The following WDR33 variants were observed in gnomAD, a reference collection of about 807,000 sequenced individuals.
The protein encoded by WDR33 is pre-mRNA 3' end processing protein WDR33.
A neutral mutation model predicts 164.9 loss-of-function variants in WDR33; 47 were observed. That is an observed-to-expected ratio of 0.29 (90% CI 0.23 to 0.36). The LOEUF (loss-of-function observed/expected upper bound fraction) is 0.36, where lower values mean the gene tolerates loss of function less well. Among genes scored for constraint, WDR33 ranks in the 10% least tolerant of loss-of-function variants. The pLI, the probability that WDR33 is intolerant of heterozygous loss-of-function variation, is 1.00. For missense variants in WDR33, 1,137 were observed against 1,754.1 expected (o/e 0.65, Z 6.28); for synonymous variants, 505 against 589.0 (o/e 0.86, Z 2.06).
chr2:127,740,215 T>C (rs1432386579), intron 7 of WDR33, among the ~76,000 whole-genome samples: 1 of 152,244 alleles, frequency 6.6e-6, no homozygotes, highest in African/African-American at 2.4e-5. Context: ...TGGTTCCGTC[T>C]ACATTTTCTC....
chr2:127,746,141 A>G (rs1325787851), intron 7 of WDR33, among the ~76,000 whole-genome samples: 2 of 151,944 alleles, frequency 1.3e-5, no homozygotes, highest in African/African-American at 2.4e-5. Flanking sequence ...TGTGGTTCTG[A>G]GATGATAGTG....
At chr2:127,756,340 A>C (rs1687518752) in intron 7 of WDR33, among the ~76,000 whole-genome samples, 1 of 151,800 alleles carries the variant, frequency 6.6e-6, no homozygotes, top group Admixed American at 6.6e-5. Context: ...ACTCCAAAAA[A>C]AAAAAAAAAG....
chr2:127,760,577 C>T (rs1687646530), intron 7 of WDR33, among the ~76,000 whole-genome samples: 1 of 152,174 alleles, frequency 6.6e-6, no homozygotes, highest in East Asian at 1.9e-4. Context: ...GGATGGGAAG[C>T]TCTTAGATGC....
chr2:127,805,205 G>C (rs1018005261), intron 1 of WDR33, among the ~76,000 whole-genome samples: 1 of 149,592 alleles, frequency 6.7e-6, no homozygotes, highest in African/African-American at 2.5e-5. Flanking sequence ...AACCTCCCAA[G>C]TAGCTGGGAC....
intron 1 of WDR33, among the ~76,000 whole-genome samples, chr2:127,809,697 A>G (rs1035887235): frequency 1.3e-5 from 2 of 152,112 alleles, no homozygotes; most frequent in African/African-American, 2.4e-5. Context: ...TGGCGTCCCA[A>G]AGTGCTGGGA....
chr2:127,785,860 T>G (rs1688545941), intron 1 of WDR33, among the ~76,000 whole-genome samples: 1 of 152,186 alleles, frequency 6.6e-6, no homozygotes, highest in Non-Finnish European at 1.5e-5. Context: ...GATCACATGA[T>G]AAGGGTATGC....
chr2:127,786,219 G>C (rs1401704410), intron 1 of WDR33, among the ~76,000 whole-genome samples: 1 of 152,002 alleles, frequency 6.6e-6, no homozygotes, highest in East Asian at 1.9e-4. Context: ...TTTTTTTGTA[G>C]AGACAGGGTC....
chr2:127,762,438 C>A, intron 7 of WDR33: 1 of 875,172 alleles, frequency 1.1e-6, no homozygotes, highest in South Asian at 5.3e-5. Flanking sequence ...TTTATAAAGT[C>A]CAATATTCTA....
intron 1 of WDR33, among the ~76,000 whole-genome samples, chr2:127,807,392 GCAAA>G (rs1321663151): frequency 2.6e-5 from 4 of 152,182 alleles, no homozygotes; most frequent in Non-Finnish European, 5.9e-5. Flanking sequence ...TAAGTTGAGA[GCAAA>G]CAGAGTAGAG....
rs748630875 is a variant in WDR33, at chr2:127,719,898, A to G, written c.2127T>C (p.Gly709=). ...CTATGTGACCCTGTGGGCCAGGTGG[A>G]CCCTGAGGACCCATATGACCTTGAG... ...SGPQGHMGPQ[G]PPGPQGHIGP... is the part of the protein sequence containing the mutation. Residue 709 remains glycine (G), a synonymous_variant, in exon 16 of 22, where the codon GGT becomes GGC. Coordinates refer to ENST00000322313, the MANE Select transcript of WDR33 (RefSeq NM_018383.5). This position sits in a 1 kb window ranked among gnomAD's most constrained non-coding sequence, Gnocchi z 6.5. 2 of 1,613,284 alleles carry G rather than the reference A, an allele frequency of 1.2e-6. No homozygotes were observed.
chr2:127,790,422 A>T (rs1161211554), intron 1 of WDR33, among the ~76,000 whole-genome samples: 2 of 152,120 alleles, frequency 1.3e-5, no homozygotes, highest in African/African-American at 4.8e-5. Flanking sequence ...TAATATCTGT[A>T]TCTGGTTTTA....
rs911632244 is a variant in WDR33, at chr2:127,701,793, CTG to C, written c.*4528_*4529del. 9.6e-6 allele frequency: 14 copies of C among 1,451,270 alleles called. No individual in the cohort carries two copies. Among genetic ancestry groups the C allele is most frequent in the African/African-American group, 4.4e-5 (3 of 67,588 alleles). 89.9% of individuals were successfully genotyped at this position (1,451,270 alleles called of 1,614,324 possible). ...CGGCGGGTGCCTGCTGCTGGCTGCA[CTG>C]TGTTTCGGCCTAGCCGCGCTCTACG... On this transcript the variant is annotated 3_prime_UTR_variant, in exon 22 of 22. Coordinates refer to ENST00000322313, the MANE Select transcript of WDR33 (RefSeq NM_018383.5).
rs1316193370 is a variant in WDR33 at position 127,788,133 on chromosome 2, A to T, written c.-23-17129T>A. On this transcript the variant is annotated intron_variant, in intron 1 of 21. Coordinates refer to ENST00000322313, the MANE Select transcript of WDR33 (RefSeq NM_018383.5). ...CGGGCTGAGGGGCTCCTCACTTCCC[A>T]GTAGGGGCGGCCGGGCAGAGGCGCC... Among the ~76,000 whole-genome samples the T allele has an allele frequency of 2.6e-5, 2 of 77,822 alleles. 1 individual carries two copies. Among genetic ancestry groups the T allele is most frequent in the Non-Finnish European group, 4.8e-5 (2 of 41,448 alleles). 51.1% of individuals were successfully genotyped at this position (77,822 alleles called of 152,430 possible). A position where few individuals can be genotyped will look rare whatever the true frequency, so the allele number is the denominator to read the frequency against.
intron 1 of WDR33, among the ~76,000 whole-genome samples, chr2:127,785,697 T>C (rs1345233083): frequency 6.6e-6 from 1 of 152,200 alleles, no homozygotes; most frequent in Non-Finnish European, 1.5e-5. Context: ...TCTATGGATG[T>C]ACCAAACTTT....
chr2:127,730,353 T>C (rs1035150009), intron 7 of WDR33, among the ~76,000 whole-genome samples: 1 of 152,082 alleles, frequency 6.6e-6, no homozygotes, highest in African/African-American at 2.4e-5. Flanking sequence ...TTCAGTAAAG[T>C]GAAAAAAATT....
intron 1 of WDR33, among the ~76,000 whole-genome samples, chr2:127,782,507 A>G (rs1688410560): frequency 6.6e-6 from 1 of 152,102 alleles, no homozygotes; most frequent in African/African-American, 2.4e-5. Context: ...TTAGTTGCAT[A>G]ATTTTTCATA....
chr2:127,726,561 A>G lies in WDR33; in HGVS notation c.851+90T>C, dbSNP rs1415591557. 2.6e-6 allele frequency: 4 copies of G among 1,519,050 alleles called. No homozygotes were observed. The highest frequency in any genetic ancestry group is 3.5e-6 in the Non-Finnish European group (4 of 1,130,644). The allele number at this position is 1,519,050 out of a possible 1,614,324, so 94.1% of individuals were successfully genotyped here. ...TGTTGCCTAAATGACTCTTCCAGAA[A>G]TACATAAGAGAAAACAAAGCTAAAA... is the stretch of plus-strand genomic sequence containing the variant. On this transcript the variant is annotated intron_variant, in intron 8 of 21. Coordinates refer to ENST00000322313, the MANE Select transcript of WDR33 (RefSeq NM_018383.5). The surrounding 1 kb of genome is among the most constrained non-coding windows in gnomAD (Gnocchi z 4.8).
chr2:127,702,045 G>C lies in WDR33; in HGVS notation c.*4278C>G. ...CAGCACGCTGCTCACGGTGCTGGGC[G>C]CGGGCGCGCAGGTGGCCGCGCTGCT... On this transcript the variant is annotated 3_prime_UTR_variant, in exon 22 of 22. Coordinates refer to ENST00000322313, the MANE Select transcript of WDR33 (RefSeq NM_018383.5). 1 of 1,232,368 alleles carries C rather than the reference G, an allele frequency of 8.1e-7. No individual in the cohort carries two copies. Among genetic ancestry groups the C allele is most frequent in the South Asian group, 3.3e-5 (1 of 30,512 alleles). 76.3% of individuals were successfully genotyped at this position (1,232,368 alleles called of 1,614,324 possible).
chr2:127,749,985 C>T (rs1417748031), intron 7 of WDR33, among the ~76,000 whole-genome samples: 1 of 151,224 alleles, frequency 6.6e-6, no homozygotes, highest in Non-Finnish European at 1.5e-5. Context: ...CTTCTTAAGT[C>T]AAAAATGTTA....
Sources: gnomAD v4.1 joint callset for allele counts (sites outside exome capture counted in the v4.1 genomes callset) on GRCh38, gnomAD v4.1.1 for gene constraint, Gnocchi (gnomAD v3.1) non-coding constraint, MANE v1.5 for transcripts, NCBI Gene and HGNC (gene_info 2026-07-23, HGNC 2026-07-21) for gene names.